IPO11: variants seen among roughly 807,000 people sequenced by gnomAD.
IPO11 encodes importin-11.
Under a neutral mutation model 143.2 loss-of-function variants are expected in IPO11, and 66 were observed. That is an observed-to-expected ratio of 0.46 (90% CI 0.38 to 0.57). The LOEUF (loss-of-function observed/expected upper bound fraction) is 0.57. Among genes scored for constraint, IPO11 ranks in the 20% least tolerant of loss-of-function variants. The probability of loss-of-function intolerance (pLI) is 0.00; values close to 1 mark genes in which losing one functional copy is unlikely to be tolerated. For missense variants in IPO11, 1,026 were observed against 1,141.0 expected, an observed-to-expected ratio of 0.90 and a Z score of 1.45; for synonymous variants, 385 against 377.8, an observed-to-expected ratio of 1.02 and a Z score of -0.22.
chr5:62,434,172 C>G (rs149946926), intron 1 of IPO11, among the ~76,000 whole-genome samples: 1 of 152,114 alleles, frequency 6.6e-6, no homozygotes, highest in East Asian at 1.9e-4. Flanking sequence ...TTGTTTTCCC[C>G]GTCTGAAGCT....
At chr5:62,623,413 T>C (rs1746442218) in intron 29 of IPO11, among the ~76,000 whole-genome samples, 1 of 152,196 alleles carries the variant, frequency 6.6e-6, no homozygotes, top group Admixed American at 6.5e-5. Context: ...GAAAACACTT[T>C]AGCAAAATTC....
Position 62,530,709 on chromosome 5 carries a change from GT to G in IPO11, c.2015del (p.Leu672Ter). The G allele has an allele frequency of 1.2e-6, 2 of 1,608,494 alleles. No homozygotes were observed. Among genetic ancestry groups the G allele is most frequent in the Non-Finnish European group, 1.7e-6 (2 of 1,175,496 alleles). On this transcript the variant is annotated frameshift_variant and splice_region_variant, in exon 22 of 30. Transcript: ENST00000325324. LOFTEE classifies it high-confidence loss of function. ...YLLEDGLELWLVTLENSPCIT... is the reference protein window; with the variant it reads ...YLLEDGLELWXVTLENSPCIT... ...TTAATCATCTGTTTTTCCTTCCTAG[GT>G]TAGTAACTTTGGAAAACAGTCCATG...
At chr5:62,539,590 A>G (rs756881339) in intron 24 of IPO11, among the ~76,000 whole-genome samples, 11 of 152,210 alleles carry the variant, frequency 7.2e-5, no homozygotes, top group Non-Finnish European at 1.6e-4. Context: ...AGGACTTGTA[A>G]TAACAGTAAT....
At chr5:62,603,059 T>G (rs1366093944) in intron 29 of IPO11, among the ~76,000 whole-genome samples, 1 of 152,212 alleles carries the variant, frequency 6.6e-6, no homozygotes, top group East Asian at 1.9e-4. Flanking sequence ...TCTTGGAAAC[T>G]GTAACTTGAA....
At chr5:62,622,320 A>T (rs142721095) in intron 29 of IPO11, among the ~76,000 whole-genome samples, 135 of 152,312 alleles carry the variant, frequency 8.9e-4, no homozygotes, top group Non-Finnish European at 1.6e-3. Flanking sequence ...AAAGTTCCCC[A>T]AATGATTCCC....
intron 1 of IPO11, among the ~76,000 whole-genome samples, chr5:62,424,279 A>G (rs2112102263): frequency 6.6e-6 from 1 of 151,998 alleles, no homozygotes; most frequent in South Asian, 2.1e-4. Context: ...AGCTGGGACT[A>G]CAGGTGCCCG....
At chr5:62,451,242 T>C (rs1422809198) in intron 4 of IPO11, among the ~76,000 whole-genome samples, 2 of 152,244 alleles carry the variant, frequency 1.3e-5, no homozygotes, top group Non-Finnish European at 2.9e-5. Context: ...AAGAGTTATA[T>C]CTGTTGATAT....
At chr5:62,508,608 C>G (rs1284341310) in intron 19 of IPO11, among the ~76,000 whole-genome samples, 2 of 151,120 alleles carry the variant, frequency 1.3e-5, no homozygotes, top group Non-Finnish European at 2.9e-5. Context: ...TTCTCCCTCC[C>G]TCCCTCCCTC....
At chr5:62,477,705 C>G (rs7700335) in intron 9 of IPO11, among the ~76,000 whole-genome samples, 1,527 of 152,316 alleles carry the variant, frequency 0.01, 22 homozygotes, top group African/African-American at 0.035. Context: ...TCCCTACTCA[C>G]TATATCAGTT....
intron 27 of IPO11, among the ~76,000 whole-genome samples, chr5:62,570,256 CT>C (rs202091481): frequency 6.6e-6 from 1 of 151,932 alleles, no homozygotes; most frequent in African/African-American, 2.4e-5. Flanking sequence ...ATTTATAAAA[CT>C]TTTTTTTAAG....
intron 5 of IPO11, among the ~76,000 whole-genome samples, chr5:62,454,011 T>C (rs1745033661): frequency 6.6e-6 from 1 of 151,924 alleles, no homozygotes; most frequent in African/African-American, 2.4e-5. Flanking sequence ...GGCACGCGCC[T>C]GTAGTCCCAG....
At chr5:62,453,872 T>C (rs1745027839) in intron 5 of IPO11, among the ~76,000 whole-genome samples, 2 of 152,094 alleles carry the variant, frequency 1.3e-5, no homozygotes, top group African/African-American at 4.8e-5. Context: ...CGGTGGCTCA[T>C]GCCTGTAATC....
intron 5 of IPO11, 53 bp from the exon 6 acceptor site, chr5:62,467,078 A>G: frequency 2.7e-6 from 4 of 1,486,918 alleles, no homozygotes; most frequent in Non-Finnish European, 3.6e-6. Context: ...GTTCTAATGT[A>G]TTACTGAAAT....
chr5:62,489,346 G>T lies in IPO11; in HGVS notation c.1354G>T (p.Ala452Ser), dbSNP rs779725616. The T allele has an allele frequency of 2.3e-5, 36 of 1,558,426 alleles. No individual in the cohort carries two copies. Among genetic ancestry groups the T allele is most frequent in the Non-Finnish European group, 3.0e-5 (34 of 1,146,848 alleles). The change falls in exon 14 of 30, where the codon GCT becomes TCT. Residue 452 changes from alanine to serine, a missense_variant. By Grantham distance (99) the Ala-to-Ser change is moderately conservative. Coordinates refer to ENST00000325324, the MANE Select transcript of IPO11 (RefSeq NM_016338.5). ...TATGAATGCACTGTTAATCAAAGAT[G>T]CTGGTATGTTAAACTTAAGTGATTT... ...EDMNALLIKD[A>S]VYNAVGLAAY...
chr5:62,566,860 G>GTA (rs965451543), intron 27 of IPO11, among the ~76,000 whole-genome samples: 2 of 151,736 alleles, frequency 1.3e-5, no homozygotes, highest in Admixed American at 6.6e-5. Flanking sequence ...ATATGTGTGT[G>GTA]TATATATATT....
At chr5:62,601,102 A>G (rs969438868) in intron 28 of IPO11, 1 of 152,246 alleles carries the variant, frequency 6.6e-6, no homozygotes, top group Admixed American at 6.5e-5. Context: ...GTTACAAGTT[A>G]GGAAACAGTG....
At chr5:62,598,426 T>G (rs868633012) in intron 28 of IPO11, among the ~76,000 whole-genome samples, 1 of 3,746 alleles carries the variant, frequency 2.7e-4, no homozygotes, top group Non-Finnish European at 4.2e-4. Flanking sequence ...CTTTCTTTCT[T>G]TCTTTCTCTC....
rs1283695316 is a variant in IPO11 at position 62,412,851 on chromosome 5, G to C, written c.-85G>C. On this transcript the variant is annotated 5_prime_UTR_variant, in exon 1 of 30. Transcript: ENST00000325324. Reference sequence around the variant, plus strand: ...CGGCGGCGTGGGGTCTGGCAGCGTGGGGAGAGGGACCAACCGACGCCACTT... The same window carrying C: ...CGGCGGCGTGGGGTCTGGCAGCGTGCGGAGAGGGACCAACCGACGCCACTT... 3.9e-5 allele frequency: 6 copies of C among 152,838 alleles called. No individual in the cohort carries two copies. Among genetic ancestry groups the C allele is most frequent in the Admixed American group, 1.3e-4 (2 of 15,304 alleles). The allele number at this position is 152,838 out of a possible 1,614,324, so 9.5% of individuals were successfully genotyped here. A position where few individuals can be genotyped will look rare whatever the true frequency, so the allele number is the denominator to read the frequency against.
At chr5:62,476,457 A>ATAAAAG (rs1247313001) in intron 8 of IPO11, among the ~76,000 whole-genome samples, 1 of 152,200 alleles carries the variant, frequency 6.6e-6, no homozygotes, top group Non-Finnish European at 1.5e-5. Flanking sequence ...TTCTTTTACT[A>ATAAAAG]TAAAAGTGAG....
Sources: gnomAD v4.1 joint callset for allele counts (sites outside exome capture counted in the v4.1 genomes callset) on GRCh38, gnomAD v4.1.1 for gene constraint, MANE v1.5 for transcripts, NCBI Gene and HGNC (gene_info 2026-07-23, HGNC 2026-07-21) for gene names.